The following TAFA2 variants were observed in gnomAD, a reference collection of about 807,000 sequenced individuals.
TAFA2 encodes the protein chemokine-like protein TAFA-2.
A neutral mutation model predicts 18.8 loss-of-function variants in TAFA2; 7 were observed. The observed-to-expected ratio is 0.37, with a 90% CI of 0.21 to 0.70. TAFA2 has a LOEUF of 0.70. TAFA2 is among the 30% of genes least tolerant of loss of function. TAFA2 has a pLI of 0.53. For missense variants in TAFA2, 122 were observed against 158.1 expected, an observed-to-expected ratio of 0.77 and a Z score of 1.23; for synonymous variants, 60 against 54.2, an observed-to-expected ratio of 1.11 and a Z score of -0.47.
chr12:61,734,526 A>T (rs896517344), intron 4 of TAFA2, among the ~76,000 whole-genome samples: 57 of 151,694 alleles, frequency 3.8e-4, no homozygotes, highest in Non-Finnish European at 6.3e-4. Context: ...ATAATAAAAT[A>T]AAAAAAACTA....
At chr12:62,223,715 G>A (rs923870472) in intron 1 of TAFA2, among the ~76,000 whole-genome samples, 4 of 152,098 alleles carry the variant, frequency 2.6e-5, no homozygotes, top group African/African-American at 9.7e-5. Flanking sequence ...ATTGGATTTG[G>A]CAATGATTTC....
At chr12:62,097,842 T>C (rs1010789790) in intron 1 of TAFA2, among the ~76,000 whole-genome samples, 1 of 152,074 alleles carries the variant, frequency 6.6e-6, no homozygotes, top group African/African-American at 2.4e-5. Context: ...AATCAAACAA[T>C]CAGCATGAGA....
chr12:61,956,332 T>C lies in TAFA2; in HGVS notation c.-1-88906A>G, dbSNP rs370695624. Among the ~76,000 whole-genome samples the C allele has an allele frequency of 3.2e-4, 48 of 152,168 alleles. 1 individual carries two copies. The highest frequency in any genetic ancestry group is 1.1e-3 in the African/African-American group (46 of 41,530). On this transcript the variant is annotated intron_variant, in intron 1 of 4. Coordinates refer to ENST00000416284, the MANE Select transcript of TAFA2 (RefSeq NM_178539.5). ...TGGATAAAGAATTTCACTGATAAAG[T>C]AAAATAAAACATCTCATTTACTTCC...
intron 1 of TAFA2, chr12:62,252,634 T>G (rs2062919708): frequency 6.6e-6 from 1 of 152,192 alleles, no homozygotes. Context: ...TCAGAGGGTA[T>G]ACTGCATAGG....
intron 2 of TAFA2, among the ~76,000 whole-genome samples, chr12:61,767,553 T>C (rs1035402173): frequency 1.3e-5 from 2 of 152,098 alleles, no homozygotes; most frequent in African/African-American, 4.8e-5. Flanking sequence ...ATCAGTATTA[T>C]TTAAGAATGA....
chr12:62,197,340 A>G (rs2062653230), upstream of TAFA2, among the ~76,000 whole-genome samples: 2 of 152,206 alleles, frequency 1.3e-5, no homozygotes, highest in Non-Finnish European at 2.9e-5. Context: ...TTCTTTAAAC[A>G]CTGAACTTAA....
chr12:62,147,318 G>GTATA (rs1440215054), intron 1 of TAFA2, among the ~76,000 whole-genome samples: 1,151 of 87,472 alleles, frequency 0.013, 32 homozygotes, highest in African/African-American at 0.044. Flanking sequence ...GTGTGTGTGT[G>GTATA]TATGTATGTA....
chr12:61,936,235 A>T (rs895594791), intron 1 of TAFA2, among the ~76,000 whole-genome samples: 3 of 152,202 alleles, frequency 2.0e-5, no homozygotes, highest in Admixed American at 6.6e-5. Flanking sequence ...AAATCATATG[A>T]TCATCTCAAT....
intron 1 of TAFA2, among the ~76,000 whole-genome samples, chr12:61,900,219 G>A (rs1876037992): frequency 1.3e-5 from 2 of 152,140 alleles, no homozygotes; most frequent in South Asian, 4.1e-4. Flanking sequence ...TAGGACTTAT[G>A]CATGAGAAAA....
chr12:62,259,533 A>G (rs746915688), upstream of TAFA2: 4 of 152,180 alleles, frequency 2.6e-5, no homozygotes, highest in Non-Finnish European at 4.4e-5. Context: ...TCGATTTTCT[A>G]TTTTGTAACA....
chr12:62,054,592 T>C (rs348634), intron 1 of TAFA2, among the ~76,000 whole-genome samples: 149,357 of 152,322 alleles, frequency 0.98, 73,287 homozygotes, highest in East Asian at 1. Context: ...AATGGTACTT[T>C]TAGAACCTCA....
At chr12:61,757,968 G>A (rs1017858841) in intron 2 of TAFA2, among the ~76,000 whole-genome samples, 6 of 151,956 alleles carry the variant, frequency 3.9e-5, no homozygotes, top group Non-Finnish European at 8.8e-5. Flanking sequence ...GGGCAGCTGA[G>A]TTTTTCTCAT....
At chr12:62,234,060 T>C (rs56265750) in intron 1 of TAFA2, among the ~76,000 whole-genome samples, 1,771 of 152,306 alleles carry the variant, frequency 0.012, 32 homozygotes, top group African/African-American at 0.04. Flanking sequence ...GGTGCCTTCA[T>C]ACACCTCTGA....
intron 1 of TAFA2, among the ~76,000 whole-genome samples, chr12:62,150,229 A>G (rs181479390): frequency 4.7e-4 from 72 of 152,298 alleles, no homozygotes; most frequent in Non-Finnish European, 8.8e-5. Context: ...TCCCTAAAAG[A>G]GATCTTGGAT....
At chr12:62,206,473 C>T (rs1479831947) in intron 1 of TAFA2, among the ~76,000 whole-genome samples, 1 of 152,064 alleles carries the variant, frequency 6.6e-6, no homozygotes, top group Non-Finnish European at 1.5e-5. Context: ...CTTTATTTTA[C>T]AATTGAAATC....
chr12:62,234,526 C>A lies in TAFA2; in HGVS notation c.-130+24237G>T. 3.2e-6 allele frequency: 3 copies of A among 951,324 alleles called. No homozygotes were observed. The South Asian group carries it at 3.8e-5, about 12-fold the overall frequency. 58.9% of individuals were successfully genotyped at this position (951,324 alleles called of 1,614,324 possible). ...GCTGCACTGATCACATTTATATGGT[C>A]AATGTCTGGTGTGTACCCACGTATG... is the stretch of plus-strand genomic sequence containing the variant. On this transcript the variant is annotated intron_variant, in intron 1 of 5. Coordinates refer to the TAFA2 transcript ENST00000551619.
At chr12:62,174,022 T>C (rs2062495840) in intron 1 of TAFA2, among the ~76,000 whole-genome samples, 1 of 152,220 alleles carries the variant, frequency 6.6e-6, no homozygotes, top group African/African-American at 2.4e-5. Context: ...CCAGGCGTGG[T>C]GGTTCATGCC....
intron 1 of TAFA2, among the ~76,000 whole-genome samples, chr12:62,085,277 TTTC>T (rs1259160603): frequency 6.6e-6 from 1 of 152,184 alleles, no homozygotes; most frequent in Non-Finnish European, 1.5e-5. Context: ...ATTGTCCTTA[TTTC>T]TTCTTCAGAT....
rs1039464357 is a variant in TAFA2, at chr12:61,946,276, C to A, written c.-1-78850G>T. Among the ~76,000 whole-genome samples the A allele has an allele frequency of 1.0e-3, 157 of 151,050 alleles. 1 individual carries two copies. In the South Asian group the frequency reaches 0.019, roughly 18 times the overall value. ...CATATGTAGAAAGCTGAAACTGGAT[C>A]CCTTCCTTACATCTTATATAAAAAT... On this transcript the variant is annotated intron_variant, in intron 1 of 4. Transcript: ENST00000416284.
Sources: allele counts gnomAD v4.1 joint callset (sites outside exome capture counted in the v4.1 genomes callset), GRCh38; gene constraint gnomAD v4.1.1; transcripts MANE v1.5; gene names NCBI Gene and HGNC (gene_info 2026-07-23, HGNC 2026-07-21).